GPR149: variants seen among roughly 807,000 people sequenced by gnomAD.
GPR149 encodes the protein probable G protein-coupled receptor 149.
In GPR149, 50 loss-of-function variants were observed where a neutral mutation model predicts 50.2. The observed-to-expected ratio is 1.00, with a 90% CI of 0.79 to 1.26. The LOEUF is 1.26. Ranked by LOEUF, GPR149 falls within the 50% of genes most tolerant of loss-of-function variation. GPR149 has a pLI of 0.00. For missense variants in GPR149, 983 were observed against 895.4 expected, an observed-to-expected ratio of 1.10 and a Z score of -1.25; for synonymous variants, 405 against 358.2, an observed-to-expected ratio of 1.13 and a Z score of -1.48.
chr3:154,364,464 TGTGA>T (rs1195757697), intron 3 of GPR149, among the ~76,000 whole-genome samples: 1 of 152,196 alleles, frequency 6.6e-6, no homozygotes, highest in East Asian at 1.9e-4. Context: ...CTAAATCAGA[TGTGA>T]GTGAGACTCA....
At chr3:154,371,449 G>A (rs1714661758) in intron 3 of GPR149, among the ~76,000 whole-genome samples, 1 of 152,056 alleles carries the variant, frequency 6.6e-6, no homozygotes, top group South Asian at 2.1e-4. Flanking sequence ...CCCTTTTATT[G>A]TAGGAGTCGG....
chr3:154,362,500 C>A (rs1015520494), intron 3 of GPR149, among the ~76,000 whole-genome samples: 2 of 152,024 alleles, frequency 1.3e-5, no homozygotes, highest in Non-Finnish European at 2.9e-5. Context: ...TTAAAAATAT[C>A]AAAACTTCAG....
intron 3 of GPR149, among the ~76,000 whole-genome samples, chr3:154,388,896 A>ACACACG (rs1412359814): frequency 1.3e-5 from 2 of 151,856 alleles, no homozygotes; most frequent in Non-Finnish European, 2.9e-5. Flanking sequence ...ACACACACAC[A>ACACACG]CACACACAAA....
At chr3:154,359,190 T>C (rs547979757) in intron 3 of GPR149, among the ~76,000 whole-genome samples, 1 of 152,210 alleles carries the variant, frequency 6.6e-6, no homozygotes, top group South Asian at 2.1e-4. Flanking sequence ...AATAATTTGA[T>C]AAGTTTAATA....
At chr3:154,353,266 T>G (rs1399507653) in intron 3 of GPR149, 1 of 1,447,946 alleles carries the variant, frequency 6.9e-7, no homozygotes, top group Non-Finnish European at 9.7e-7. Flanking sequence ...GTTGCAGCCT[T>G]TTGAGTCATT....
intron 3 of GPR149, among the ~76,000 whole-genome samples, chr3:154,409,338 G>T (rs760331264): frequency 6.6e-6 from 1 of 152,050 alleles, no homozygotes; most frequent in Non-Finnish European, 1.5e-5. Flanking sequence ...ACCCTGAAAA[G>T]ATCATACCAG....
rs1187766438 is a variant in GPR149 at position 154,335,809 on chromosome 3, GC to G, written c.*1889del. The G allele has an allele frequency of 6.6e-6, 1 of 151,952 alleles. No individual in the cohort carries two copies. The highest frequency in any genetic ancestry group is 1.5e-5 in the Non-Finnish European group (1 of 67,936). 9.4% of individuals were successfully genotyped at this position (151,952 alleles called of 1,614,324 possible). A position where few individuals can be genotyped will look rare whatever the true frequency, so the allele number is the denominator to read the frequency against. ...CTTCAAATCTTTGCTATTTTCTTCA[GC>G]TTTATTATGATCCTGTGTCTAATTT... On this transcript the variant is annotated 3_prime_UTR_variant, in exon 4 of 4. Coordinates refer to ENST00000389740, the MANE Select transcript of GPR149 (RefSeq NM_001038705.3).
rs896921341 is a variant in GPR149 at position 154,430,160 on chromosome 3, C to A, written c.-545G>T. 1.3e-5 allele frequency among the ~76,000 whole-genome samples: 2 copies of A among 150,732 alleles called. No individual in the cohort carries two copies. The highest frequency in any genetic ancestry group is 4.9e-5 in the African/African-American group (2 of 40,926). On this transcript the variant is annotated 5_prime_UTR_variant, in exon 1 of 4. Coordinates refer to ENST00000389740, the MANE Select transcript of GPR149 (RefSeq NM_001038705.3). ...GAGACAGAGAGAGAGAGAGAGAGGG[C>A]GAGCGCGAGCCAGTCAGAGGGAGCT...
chr3:154,359,525 A>T (rs994156818), intron 3 of GPR149, among the ~76,000 whole-genome samples: 4 of 152,256 alleles, frequency 2.6e-5, no homozygotes, highest in Admixed American at 6.5e-5. Context: ...AGAGCCTCCA[A>T]TCCACCCCAG....
At chr3:154,378,871 A>G (rs1484230497) in intron 3 of GPR149, among the ~76,000 whole-genome samples, 1 of 152,128 alleles carries the variant, frequency 6.6e-6, no homozygotes, top group East Asian at 1.9e-4. Flanking sequence ...ATCTGTTTAA[A>G]TCTTTTCTCC....
chr3:154,350,040 A>T (rs185477511), intron 3 of GPR149, among the ~76,000 whole-genome samples: 2 of 149,918 alleles, frequency 1.3e-5, no homozygotes, highest in Non-Finnish European at 2.9e-5. Flanking sequence ...TACAAAAAAT[A>T]AAAAAATTTA....
intron 2 of GPR149, among the ~76,000 whole-genome samples, chr3:154,422,306 CAG>C (rs1438657123): frequency 2.0e-5 from 3 of 151,342 alleles, no homozygotes; most frequent in Non-Finnish European, 4.4e-5. Context: ...AAGAAAGTGA[CAG>C]AAAGTGATAC....
In GPR149 at chr3:154,429,250, C is replaced by T. The variant is rs1042805486; in HGVS notation, c.366G>A (p.Lys122=). 17 of 1,614,060 alleles carry T rather than the reference C, an allele frequency of 1.1e-5. No homozygotes were observed. The highest frequency in any genetic ancestry group is 1.4e-5 in the Non-Finnish European group (17 of 1,180,042). Residue 122 remains lysine, a synonymous_variant, in exon 1 of 4, where the codon AAG becomes AAA. Coordinates refer to ENST00000389740, the MANE Select transcript of GPR149 (RefSeq NM_001038705.3). The stretch of plus-strand genomic sequence containing the variant: ...AGTTGTAAGAGACTAGGAGAGTCGC[C>T]TTCAAGTTGCTAGAGAGGCCCTGGC... ...YLCQGLSSNL[K]ATLLVSYNFY...
intron 1 of GPR149, 96 bp downstream of exon 1, chr3:154,428,539 C>T (rs1712372540): frequency 7.4e-7 from 1 of 1,350,774 alleles, no homozygotes; most frequent in Non-Finnish European, 1.0e-6. Flanking sequence ...CACTGTGTGT[C>T]TCTTGGTGAC....
intron 3 of GPR149, among the ~76,000 whole-genome samples, chr3:154,341,078 T>C (rs954976912): frequency 6.6e-6 from 1 of 151,858 alleles, no homozygotes; most frequent in African/African-American, 2.4e-5. Flanking sequence ...TAAAGGGTTA[T>C]ATTGAAAACT....
intron 3 of GPR149, among the ~76,000 whole-genome samples, chr3:154,386,086 T>G (rs1160033693): frequency 1.3e-5 from 2 of 152,218 alleles, no homozygotes; most frequent in East Asian, 3.8e-4. Flanking sequence ...TAAATACATA[T>G]TTAATGAATA....
intron 3 of GPR149, among the ~76,000 whole-genome samples, chr3:154,377,543 T>C (rs964244331): frequency 5.3e-5 from 8 of 151,968 alleles, no homozygotes; most frequent in African/African-American, 1.5e-4. Flanking sequence ...ATTTTTGTAT[T>C]TGTAGTGGAG....
chr3:154,383,357 A>G (rs1714974774), intron 3 of GPR149, among the ~76,000 whole-genome samples: 1 of 152,198 alleles, frequency 6.6e-6, no homozygotes, highest in Admixed American at 6.5e-5. Flanking sequence ...AGTTCCATTA[A>G]AGGAAATGAT....
intron 3 of GPR149, among the ~76,000 whole-genome samples, chr3:154,370,420 A>G (rs1714638432): frequency 1.3e-5 from 2 of 152,202 alleles, no homozygotes; most frequent in South Asian, 4.1e-4. Context: ...GAGGAGGCCA[A>G]TCGCTTAGTA....
Sources: allele counts gnomAD v4.1 joint callset (sites outside exome capture counted in the v4.1 genomes callset), GRCh38; gene constraint gnomAD v4.1.1; transcripts MANE v1.5; gene names NCBI Gene and HGNC (gene_info 2026-07-23, HGNC 2026-07-21).